CCDC83: variants seen among roughly 807,000 people sequenced by gnomAD.
The protein encoded by CCDC83 is coiled-coil domain containing 83, also known as coiled-coil domain-containing protein 83.
Under a neutral mutation model 50.1 loss-of-function variants are expected in CCDC83, and 54 were observed. That is an observed-to-expected ratio of 1.08 (90% CI 0.87 to 1.35). CCDC83 has a LOEUF of 1.35. Among genes scored for constraint, CCDC83 ranks in the 40% most tolerant of loss-of-function variants. The pLI is 0.00. For synonymous variants in CCDC83, 161 were observed against 153.3 expected, an observed-to-expected ratio of 1.05 and a Z score of -0.37; for missense variants, 518 against 473.9, an observed-to-expected ratio of 1.09 and a Z score of -0.86.
chr11:85,911,477 A>T, intron 8 of CCDC83, 75 bp downstream of exon 8: 1 of 1,269,202 alleles, frequency 7.9e-7, no homozygotes, highest in Admixed American at 2.6e-5. Flanking sequence ...TTTTAAAACA[A>T]AAAAAGATGA....
At chr11:85,876,267 A>G (rs1335355046) in intron 3 of CCDC83, among the ~76,000 whole-genome samples, 1 of 152,274 alleles carries the variant, frequency 6.6e-6, no homozygotes, top group African/African-American at 2.4e-5. Context: ...ATAACCATCT[A>G]TTTGTTAATA....
intron 3 of CCDC83, among the ~76,000 whole-genome samples, chr11:85,877,219 C>G (rs905488639): frequency 5.3e-5 from 8 of 152,162 alleles, no homozygotes; most frequent in African/African-American, 1.9e-4. Context: ...CCTGTAATCC[C>G]AACACTTTGG....
chr11:85,917,167 A>AGAGAGAGG (rs1554986879), intron 10 of CCDC83, among the ~76,000 whole-genome samples: 12 of 86,906 alleles, frequency 1.4e-4, no homozygotes, highest in African/African-American at 4.9e-4. Context: ...AGAGAGAGAG[A>AGAGAGAGG]GAAAGAAAGA....
intron 1 of CCDC83, among the ~76,000 whole-genome samples, chr11:85,862,719 G>A (rs950723374): frequency 2.0e-5 from 3 of 152,078 alleles, no homozygotes; most frequent in African/African-American, 7.2e-5. Flanking sequence ...TCTTCTGGGT[G>A]GTCAGGAACT....
At position 85,915,498 on chromosome 11, in the gene CCDC83, G is replaced by A; in HGVS notation, c.874G>A (p.Glu292Lys). Residue 292 changes from glutamate (E) to lysine (K), a missense_variant and splice_region_variant, in exon 9 of 11, where the codon GAA (glutamate) becomes AAA (lysine). Coordinates refer to ENST00000342404, the MANE Select transcript of CCDC83 (RefSeq NM_001286159.2). The stretch of plus-strand genomic sequence containing the variant: ...TTTGGAATTGCCAGAAACACATATA[G>A]GTATTACTTTATTGCAATAATGATG... ...MSLELPETHI[E>K]EKSELQPTEV... The A allele has an allele frequency of 6.3e-7, 1 of 1,589,720 alleles. No homozygotes were observed. The highest frequency in any genetic ancestry group is 8.6e-7 in the Non-Finnish European group (1 of 1,166,328).
At chr11:85,860,335 C>T (rs1256659978) in intron 1 of CCDC83, among the ~76,000 whole-genome samples, 1 of 143,500 alleles carries the variant, frequency 7.0e-6, no homozygotes, top group African/African-American at 2.6e-5. Flanking sequence ...AGGCAAAGAA[C>T]ATGAACAGAT....
intron 4 of CCDC83, among the ~76,000 whole-genome samples, chr11:85,882,922 T>G (rs996543607): frequency 1.3e-5 from 2 of 152,120 alleles, no homozygotes; most frequent in African/African-American, 4.8e-5. Flanking sequence ...GAAATTTATC[T>G]GACTGTTTTT....
chr11:85,861,553 A>G (rs908459973), intron 1 of CCDC83, among the ~76,000 whole-genome samples: 15 of 152,214 alleles, frequency 9.9e-5, no homozygotes, highest in Non-Finnish European at 1.9e-4. Context: ...TTTCATTTTA[A>G]TCTACATTGT....
At chr11:85,897,090 A>C (rs1325416452) in intron 6 of CCDC83, among the ~76,000 whole-genome samples, 2 of 152,264 alleles carry the variant, frequency 1.3e-5, no homozygotes, top group Non-Finnish European at 2.9e-5. Flanking sequence ...CACATGGTGA[A>C]ATCAACCATT....
At chr11:85,904,540 C>T (rs548861187) in intron 7 of CCDC83, among the ~76,000 whole-genome samples, 1 of 152,186 alleles carries the variant, frequency 6.6e-6, no homozygotes, top group Non-Finnish European at 1.5e-5. Context: ...TGAGAGAACG[C>T]ACTTCAGCTA....
At chr11:85,900,531 T>A (rs1413756882) in intron 7 of CCDC83, among the ~76,000 whole-genome samples, 1 of 152,032 alleles carries the variant, frequency 6.6e-6, no homozygotes, top group Non-Finnish European at 1.5e-5. Flanking sequence ...AGAGGAAAAA[T>A]TTGGTATGAA....
intron 8 of CCDC83, 36 bp downstream of exon 8, chr11:85,911,438 A>G: frequency 2.0e-6 from 3 of 1,501,280 alleles, no homozygotes; most frequent in Non-Finnish European, 1.8e-6. Context: ...TATTTTGTAA[A>G]CATTTGTATC....
chr11:85,886,695 T>C (rs2135050205), intron 5 of CCDC83, among the ~76,000 whole-genome samples: 1 of 152,250 alleles, frequency 6.6e-6, no homozygotes, highest in African/African-American at 2.4e-5. Context: ...GGAGGATCGC[T>C]TGAGCCAAGA....
rs1163077937 is a variant in CCDC83, at chr11:85,912,720, T to C, written c.794+1318T>C. 1.9e-6 allele frequency: 3 copies of C among 1,609,698 alleles called. No individual in the cohort carries two copies. The South Asian group carries it at 3.3e-5, about 18-fold the overall frequency. Reference sequence around the variant, plus strand: ...CTGCTGCTGCCTTTGGAATCATGTCTAATCTCTGCCAGGCGTTGCTGGTAT... The same window carrying C: ...CTGCTGCTGCCTTTGGAATCATGTCCAATCTCTGCCAGGCGTTGCTGGTAT... On this transcript the variant is annotated intron_variant, in intron 8 of 10. Transcript: ENST00000342404.
intron 6 of CCDC83, 28 bp from the exon 7 acceptor site, chr11:85,898,919 C>T (rs75658818): frequency 0.052 from 79,702 of 1,540,992 alleles, 2,610 homozygotes; most frequent in East Asian, 0.093. Flanking sequence ...TGTGGCAACT[C>T]TTCCTTAATC....
At chr11:85,915,766 C>A (rs946969306) in intron 9 of CCDC83, among the ~76,000 whole-genome samples, 2 of 152,144 alleles carry the variant, frequency 1.3e-5, no homozygotes, top group Non-Finnish European at 2.9e-5. Context: ...TCTACACTGG[C>A]AAGGTTTAGG....
At chr11:85,901,616 T>A (rs1489212503) in intron 7 of CCDC83, among the ~76,000 whole-genome samples, 1 of 122,322 alleles carries the variant, frequency 8.2e-6, no homozygotes, top group Non-Finnish European at 1.7e-5. Context: ...AGAGAACAAA[T>A]CTCAAAACAG....
At chr11:85,869,530 G>T (rs146770851) in intron 2 of CCDC83, among the ~76,000 whole-genome samples, 10 of 152,288 alleles carry the variant, frequency 6.6e-5, no homozygotes, top group East Asian at 1.9e-4. Context: ...TTGCATGGGT[G>T]GGGGGAACAT....
intron 10 of CCDC83, among the ~76,000 whole-genome samples, chr11:85,917,299 G>A (rs903831600): frequency 2.6e-5 from 4 of 151,764 alleles, no homozygotes; most frequent in African/African-American, 9.7e-5. Context: ...AAGAAAGAAA[G>A]AAAAGAAAGA....
Sources: gnomAD v4.1 joint callset for allele counts (sites outside exome capture counted in the v4.1 genomes callset) on GRCh38, gnomAD v4.1.1 for gene constraint, MANE v1.5 for transcripts, NCBI Gene and HGNC (gene_info 2026-07-23, HGNC 2026-07-21) for gene names.